Variants in RHEB observed in about 807,000 individuals in gnomAD.
RHEB encodes the protein Ras homolog, mTORC1 binding, also known as GTP-binding protein Rheb.
In RHEB, 2 loss-of-function variants were observed where a neutral mutation model predicts 28.8. The observed-to-expected ratio is 0.07, with a 90% CI of 0.03 to 0.22. The LOEUF is 0.22. Ranked by LOEUF, RHEB falls within the 10% of genes least tolerant of loss-of-function variation. The pLI, the probability that RHEB is intolerant of heterozygous loss-of-function variation, is 1.00. For missense variants in RHEB, 76 were observed against 219.9 expected, an observed-to-expected ratio of 0.35 and a Z score of 4.14; for synonymous variants, 69 against 77.3, an observed-to-expected ratio of 0.89 and a Z score of 0.56.
intron 1 of RHEB, chr7:151,503,272 C>T: frequency 1.3e-6 from 1 of 785,436 alleles, no homozygotes; most frequent in Non-Finnish European, 2.4e-6. Flanking sequence ...GAGCATGCCC[C>T]TGTTGGAATG....
At position 151,519,735 on chromosome 7, in the gene RHEB, C is replaced by A. The variant is rs1803150708; in HGVS notation, c.-224G>T. 1.2e-5 allele frequency: 4 copies of A among 346,352 alleles called. No homozygotes were observed. Among genetic ancestry groups the A allele is most frequent in the South Asian group, 1.4e-4 (1 of 7,250 alleles). 21.5% of individuals were successfully genotyped at this position (346,352 alleles called of 1,614,324 possible). Reference sequence around the variant, plus strand: ...ACAACACGCCCACGTGACCGGCCGGCGTCAGCACCGCCCCTCTTCGCGCCG... The same window carrying A: ...ACAACACGCCCACGTGACCGGCCGGAGTCAGCACCGCCCCTCTTCGCGCCG... On this transcript the variant is annotated 5_prime_UTR_variant, in exon 1 of 8. Coordinates refer to ENST00000262187, the MANE Select transcript of RHEB (RefSeq NM_005614.4).
At chr7:151,479,555 C>T (rs1265629981) in intron 3 of RHEB, among the ~76,000 whole-genome samples, 19 of 151,718 alleles carry the variant, frequency 1.3e-4, no homozygotes, top group Admixed American at 7.9e-4. Context: ...TGGTGGCGGG[C>T]GCCTGTAGTC....
intron 1 of RHEB, among the ~76,000 whole-genome samples, chr7:151,500,622 T>A (rs1802756965): frequency 6.6e-6 from 1 of 152,166 alleles, no homozygotes; most frequent in Admixed American, 6.5e-5. Flanking sequence ...GGTGCGAAGA[T>A]CGCTTGAGGT....
At chr7:151,476,663 T>C (rs1314182550) in intron 4 of RHEB, among the ~76,000 whole-genome samples, 1 of 152,228 alleles carries the variant, frequency 6.6e-6, no homozygotes, top group Non-Finnish European at 1.5e-5. Flanking sequence ...ACTCAATAGA[T>C]GCTACGTAGC....
intron 1 of RHEB, among the ~76,000 whole-genome samples, chr7:151,506,076 G>C (rs980942307): frequency 2.0e-5 from 3 of 151,634 alleles, no homozygotes; most frequent in African/African-American, 7.3e-5. Context: ...GCATAAATCT[G>C]TCAAAACTCA....
chr7:151,486,536 A>T (rs1456059344), intron 2 of RHEB, among the ~76,000 whole-genome samples: 2 of 152,238 alleles, frequency 1.3e-5, no homozygotes, highest in African/African-American at 4.8e-5. Context: ...AAAGCAAAAA[A>T]GTCAATGCAG....
chr7:151,469,632 A>G (rs139312401), intron 7 of RHEB, among the ~76,000 whole-genome samples: 15 of 152,296 alleles, frequency 9.8e-5, no homozygotes, highest in African/African-American at 3.4e-4. Flanking sequence ...TCAAAATATA[A>G]AACCCCACAT....
At chr7:151,517,521 G>C (rs1803103374) in intron 1 of RHEB, among the ~76,000 whole-genome samples, 1 of 151,984 alleles carries the variant, frequency 6.6e-6, no homozygotes, top group Non-Finnish European at 1.5e-5. Flanking sequence ...GGGACTAAAA[G>C]TGACCCTGTA....
At chr7:151,501,928 CAAG>C (rs1802778885) in intron 1 of RHEB, 1 of 720,188 alleles carries the variant, frequency 1.4e-6, no homozygotes, top group African/African-American at 1.8e-5. Flanking sequence ...TCTGGAAGAT[CAAG>C]AAGCTCATTA....
chr7:151,498,170 G>C (rs760590236), intron 1 of RHEB: 63 of 1,289,412 alleles, frequency 4.9e-5, no homozygotes, highest in Non-Finnish European at 6.1e-5. Flanking sequence ...GTAGGTCCTG[G>C]CTTGAGGAAC....
At chr7:151,473,064 G>C (rs1490068822) in intron 4 of RHEB, among the ~76,000 whole-genome samples, 1 of 152,222 alleles carries the variant, frequency 6.6e-6, no homozygotes, top group Non-Finnish European at 1.5e-5. Flanking sequence ...CAGATCTCCT[G>C]CTCTCCTAGT....
At position 151,480,306 on chromosome 7, in the gene RHEB, T is replaced by G. The variant is rs1297900406; in HGVS notation, c.193-2891A>C. ...GGATATATATCCCAACAACTGGATA[T>G]TACGCAGCCTTGGGGGAAAAGGAGG... On this transcript the variant is annotated intron_variant, in intron 3 of 7. Coordinates refer to ENST00000262187, the MANE Select transcript of RHEB (RefSeq NM_005614.4). 7.9e-5 allele frequency among the ~76,000 whole-genome samples: 12 copies of G among 152,250 alleles called. No homozygotes were observed. In the South Asian group the frequency reaches 2.3e-3, roughly 29 times the overall value.
At chr7:151,503,634 T>C (rs2150935318) in intron 1 of RHEB, among the ~76,000 whole-genome samples, 1 of 152,260 alleles carries the variant, frequency 6.6e-6, no homozygotes, top group Middle Eastern at 3.4e-3. Context: ...AACCCCACAC[T>C]TTGTTTTGTC....
At chr7:151,467,646 T>C (rs896595501) in intron 7 of RHEB, among the ~76,000 whole-genome samples, 1 of 152,066 alleles carries the variant, frequency 6.6e-6, no homozygotes, top group South Asian at 2.1e-4. Flanking sequence ...AGGCCTGAAG[T>C]GGGGAAGGCA....
intron 2 of RHEB, among the ~76,000 whole-genome samples, chr7:151,488,847 G>A (rs184778833): frequency 1.2e-4 from 19 of 152,324 alleles, no homozygotes. Flanking sequence ...ATAACATCAA[G>A]TTACATAAGT....
At chr7:151,488,624 A>C (rs560876614) in intron 2 of RHEB, among the ~76,000 whole-genome samples, 208 of 152,334 alleles carry the variant, frequency 1.4e-3, no homozygotes, top group African/African-American at 4.8e-3. Context: ...GTAGAATATA[A>C]TGTCTGAACA....
intron 7 of RHEB, among the ~76,000 whole-genome samples, chr7:151,467,688 G>C (rs1290087256): frequency 1.3e-5 from 2 of 152,138 alleles, no homozygotes; most frequent in African/African-American, 4.8e-5. Context: ...CACGATGCCA[G>C]CCTCCAACAC....
chr7:151,468,585 C>T lies in RHEB; in HGVS notation c.463-1374G>A, dbSNP rs966948251. On this transcript the variant is annotated intron_variant, in intron 7 of 7. Coordinates refer to ENST00000262187, the MANE Select transcript of RHEB (RefSeq NM_005614.4). This position sits in a 1 kb window ranked among gnomAD's most constrained non-coding sequence, Gnocchi z 4.3. ...TTGTCCCTTCTCCTCAAATGTTCCC[C>T]GTGCTTACGCTCAGCTGAAAACCTT... is the stretch of plus-strand genomic sequence containing the variant. 7.2e-5 allele frequency among the ~76,000 whole-genome samples: 11 copies of T among 152,240 alleles called. No individual in the cohort carries two copies. The highest frequency in any genetic ancestry group is 2.6e-4 in the Admixed American group (4 of 15,286).
At chr7:151,471,017 T>A (rs568658521) in intron 6 of RHEB, among the ~76,000 whole-genome samples, 3 of 152,370 alleles carry the variant, frequency 2.0e-5, no homozygotes, top group Admixed American at 6.5e-5. Context: ...TTCTCTTGCA[T>A]GCAGGCTGTA....
Sources: allele counts gnomAD v4.1 joint callset (sites outside exome capture counted in the v4.1 genomes callset), GRCh38; gene constraint gnomAD v4.1.1; non-coding constraint Gnocchi (gnomAD v3.1); transcripts MANE v1.5; gene names NCBI Gene and HGNC (gene_info 2026-07-23, HGNC 2026-07-21).